Variants in NFX1 observed in about 807,000 individuals in gnomAD.
The protein encoded by NFX1 is transcriptional repressor NF-X1.
A neutral mutation model predicts 137.2 loss-of-function variants in NFX1; 69 were observed. The observed-to-expected ratio is 0.50, with a 90% CI of 0.41 to 0.61. The LOEUF is 0.61. Among genes scored for constraint, NFX1 ranks in the 20% least tolerant of loss-of-function variants. The pLI is 0.00. For synonymous variants in NFX1, 495 were observed against 474.1 expected, an observed-to-expected ratio of 1.04 and a Z score of -0.57; for missense variants, 1,167 against 1,391.0, an observed-to-expected ratio of 0.84 and a Z score of 2.56.
At chr9:33,316,574 A>G (rs1822171197) in intron 7 of NFX1, among the ~76,000 whole-genome samples, 1 of 152,102 alleles carries the variant, frequency 6.6e-6, no homozygotes, top group Admixed American at 6.5e-5. Flanking sequence ...TTGTTTTTCC[A>G]CATTAGTTAT....
chr9:33,338,427 GC>G (rs1173855148), intron 11 of NFX1, 82 bp from the exon 12 acceptor site: 2 of 1,162,966 alleles, frequency 1.7e-6, no homozygotes, highest in Non-Finnish European at 2.6e-6. Context: ...TATTCTTTGA[GC>G]CTATAGTTAC....
rs772193536 is a variant in NFX1, at chr9:33,342,825, G to A, written c.2195G>A (p.Arg732His). The A allele has an allele frequency of 4.3e-6, 7 of 1,613,170 alleles. No homozygotes were observed. The highest frequency in any genetic ancestry group is 1.1e-5 in the South Asian group (1 of 90,802). ...CATAGGTGTGAAGAACCTTGTCATC[G>A]TGGAAACTGCCAGACATGCTGGCAA... ...GLHRCEEPCH[R>H]GNCQTCWQAS... Residue 732 changes from arginine to histidine, a missense_variant, in exon 13 of 24, where the codon CGT becomes CAT. Arg to His is a conservative substitution (Grantham distance 29). Coordinates refer to ENST00000379540, the MANE Select transcript of NFX1 (RefSeq NM_002504.6).
intron 9 of NFX1, among the ~76,000 whole-genome samples, chr9:33,327,726 A>G (rs1405699554): frequency 6.6e-6 from 1 of 152,210 alleles, no homozygotes; most frequent in African/African-American, 2.4e-5. Context: ...TAGAAAAAGT[A>G]CACCATGTAA....
chr9:33,350,006 CAA>C (rs554420424), intron 15 of NFX1, among the ~76,000 whole-genome samples: 3 of 151,022 alleles, frequency 2.0e-5, no homozygotes, highest in African/African-American at 7.3e-5. Flanking sequence ...GATTCTGCCT[CAA>C]AAAAAACAAA....
chr9:33,347,252 T>C (rs1233728602), intron 15 of NFX1, 135 bp downstream of exon 15: 4 of 659,102 alleles, frequency 6.1e-6, no homozygotes, highest in Non-Finnish European at 1.0e-5. Flanking sequence ...AAAAATTTTT[T>C]CTTAAGATAT....
chr9:33,340,169 A>G (rs1478248808), intron 12 of NFX1, among the ~76,000 whole-genome samples: 2 of 152,168 alleles, frequency 1.3e-5, no homozygotes, highest in Non-Finnish European at 2.9e-5. Context: ...TCTCCATGAG[A>G]GCCCCACCCC....
intron 1 of NFX1, among the ~76,000 whole-genome samples, chr9:33,292,280 A>G (rs558151198): frequency 1.6e-4 from 24 of 152,180 alleles, no homozygotes; most frequent in African/African-American, 3.9e-4. Context: ...TTCCCATTCC[A>G]TGTTCGTATT....
At chr9:33,347,358 A>G (rs900184051) in intron 15 of NFX1, among the ~76,000 whole-genome samples, 8 of 152,232 alleles carry the variant, frequency 5.3e-5, no homozygotes, top group African/African-American at 1.9e-4. Context: ...CAATCAAGAT[A>G]TAGAACAGTT....
intron 15 of NFX1, among the ~76,000 whole-genome samples, chr9:33,349,877 C>A (rs1823572115): frequency 6.6e-6 from 1 of 152,030 alleles, no homozygotes; most frequent in African/African-American, 2.4e-5. Context: ...GGTTTAGTGG[C>A]ATGCCTGTAC....
chr9:33,366,759 T>C lies in NFX1; in HGVS notation c.3170T>C (p.Val1057Ala), dbSNP rs1289684212. 1 of 1,613,944 alleles carries C rather than the reference T, an allele frequency of 6.2e-7. No homozygotes were observed. The highest frequency in any genetic ancestry group is 8.5e-7 in the Non-Finnish European group (1 of 1,179,900). ...GACAGTGAACCGAAGCGCAATGTGG[T>C]GGTCACTGCCATCAGGTAGGTCAAT... ...SYDSEPKRNV[V>A]VTAIRGKSVC... The change falls in exon 22 of 24, where the codon GTG (valine) becomes GCG (alanine). Residue 1057 changes from valine to alanine, a missense_variant. This residue lies in a region of NFX1 where 312 missense variants were observed against 312.8 expected (regional missense o/e 1.00). Transcript: ENST00000379540.
Position 33,294,603 on chromosome 9 carries a change from A to G in NFX1, c.209A>G (p.Gln70Arg), listed in dbSNP as rs772129698. ...TATGATGAAATCTCTGCTGTTCATCAGCATAGTTATCATCCGTCAGGAAGC... is the reference window on the plus strand; with the variant it reads ...TATGATGAAATCTCTGCTGTTCATCGGCATAGTTATCATCCGTCAGGAAGC... ...VPYDEISAVHQHSYHPSGSKP... is the reference protein window; with the variant it reads ...VPYDEISAVHRHSYHPSGSKP... The change falls in exon 2 of 24, where the codon CAG becomes CGG. Residue 70 changes from glutamine (Q) to arginine (R), a missense_variant. Physicochemically the swap from Gln to Arg is conservative, Grantham distance 43. Around this residue, in one of 3 missense-constraint regions of NFX1, gnomAD observed 367 missense variants for 386.7 expected, o/e 0.95. Coordinates refer to ENST00000379540, the MANE Select transcript of NFX1 (RefSeq NM_002504.6). 4 of 1,614,198 alleles carry G rather than the reference A, an allele frequency of 2.5e-6. No individual in the cohort carries two copies. The highest frequency in any genetic ancestry group is 3.4e-6 in the Non-Finnish European group (4 of 1,180,030).
At chr9:33,350,137 C>T (rs978867727) in intron 15 of NFX1, among the ~76,000 whole-genome samples, 7 of 151,988 alleles carry the variant, frequency 4.6e-5, no homozygotes, top group Non-Finnish European at 8.8e-5. Flanking sequence ...AACCCTGTCT[C>T]TACTAAAAAT....
At chr9:33,343,020 A>G (rs1823285215) in intron 13 of NFX1, among the ~76,000 whole-genome samples, 166 bp downstream of exon 13, 1 of 152,220 alleles carries the variant, frequency 6.6e-6, no homozygotes, top group Non-Finnish European at 1.5e-5. Context: ...GCTGTGTTGT[A>G]GTCCCTGAAT....
chr9:33,300,475 A>G (rs1821517441), intron 2 of NFX1, among the ~76,000 whole-genome samples: 1 of 152,206 alleles, frequency 6.6e-6, no homozygotes, highest in Non-Finnish European at 1.5e-5. Flanking sequence ...AAATAACAAT[A>G]ATATTATGAA....
At chr9:33,348,906 CCTG>C (rs1443260064) in intron 15 of NFX1, among the ~76,000 whole-genome samples, 1 of 152,088 alleles carries the variant, frequency 6.6e-6, no homozygotes. Flanking sequence ...TGTTTTGTAA[CCTG>C]CTTTTTTTGC....
intron 23 of NFX1, among the ~76,000 whole-genome samples, chr9:33,368,864 C>T (rs936682791): frequency 7.2e-5 from 11 of 152,228 alleles, no homozygotes; most frequent in South Asian, 6.2e-4. Flanking sequence ...CAGCCAAGAG[C>T]GTCCTGGTCC....
At chr9:33,329,598 T>C (rs1822725675) in intron 10 of NFX1, among the ~76,000 whole-genome samples, 1 of 152,178 alleles carries the variant, frequency 6.6e-6, no homozygotes, top group Non-Finnish European at 1.5e-5. Flanking sequence ...ACATCTGTTT[T>C]GTCAGTTTCT....
At position 33,351,738 on chromosome 9, in the gene NFX1, T is replaced by TG; in HGVS notation, c.2605dup (p.Ala869GlyfsTer15). On this transcript the variant is annotated frameshift_variant, in exon 16 of 24. Transcript: ENST00000379540. LOFTEE classifies it high-confidence loss of function. ...AGAGCTGACTGTGGTCACCCGTGTA[T>TG]GGCACCCTGCCATACCAGCTCACCC... 1 of 1,611,824 alleles carries TG rather than the reference T, an allele frequency of 6.2e-7. No homozygotes were observed. The highest frequency in any genetic ancestry group is 8.5e-7 in the Non-Finnish European group (1 of 1,178,924).
At chr9:33,351,523 A>ATGGAGATGAGAATCTGGCTACT (rs1823635105) in intron 15 of NFX1, 37 bp from the exon 16 acceptor site, 1 of 1,580,796 alleles carries the variant, frequency 6.3e-7, no homozygotes. Context: ...CAAATCCCAC[A>ATGGAGATGAGAATCTGGCTACT]TGGAGATGAG....
Sources: allele counts gnomAD v4.1 joint callset (sites outside exome capture counted in the v4.1 genomes callset), GRCh38; gene constraint gnomAD v4.1.1; regional missense constraint gnomAD v4.1.1; transcripts MANE v1.5; gene names NCBI Gene and HGNC (gene_info 2026-07-23, HGNC 2026-07-21).